The following TDRP variants were observed in gnomAD, a reference collection of about 807,000 sequenced individuals.
The protein encoded by TDRP is testis development related protein.
A neutral mutation model predicts 10.5 loss-of-function variants in TDRP; 12 were observed. The ratio of observed to expected loss-of-function variants is 1.15; its 90% CI spans 0.73 to 1.86. The LOEUF (loss-of-function observed/expected upper bound fraction) is 1.86, where lower values mean the gene tolerates loss of function less well. TDRP is among the 40% of genes most tolerant of loss of function. The pLI is 0.00. For synonymous variants in TDRP, 139 were observed against 95.4 expected (o/e 1.46, Z -2.67); for missense variants, 353 against 229.2 (o/e 1.54, Z -3.49).
intron 1 of TDRP, among the ~76,000 whole-genome samples, chr8:534,140 T>C (rs1402609715): frequency 6.6e-6 from 1 of 152,186 alleles, no homozygotes; most frequent in Admixed American, 6.5e-5. Flanking sequence ...CCAGAGAAAC[T>C]TGGATTCAAA....
At chr8:517,262 C>T (rs1406353043) in intron 1 of TDRP, among the ~76,000 whole-genome samples, 10 of 152,168 alleles carry the variant, frequency 6.6e-5, no homozygotes, top group Admixed American at 4.6e-4. Flanking sequence ...AATATTTTAC[C>T]CCAAAATATA....
chr8:493,585 G>A (rs111840277), intron 2 of TDRP, among the ~76,000 whole-genome samples: 263 of 152,300 alleles, frequency 1.7e-3, no homozygotes, highest in Non-Finnish European at 2.4e-3. Context: ...TCCATAACAC[G>A]GAGCAAATAT....
At position 492,518 on chromosome 8, in the gene TDRP, T is replaced by C; in HGVS notation, c.439A>G (p.Thr147Ala). The C allele has an allele frequency of 6.2e-7, 1 of 1,610,130 alleles. No homozygotes were observed. Among genetic ancestry groups the C allele is most frequent in the South Asian group, 1.1e-5 (1 of 90,606 alleles). ...EDDAKGSTKY[T>A]SLASSANSSR... ...CTGTTGGCAGAGCTGGCCAGGCTGG[T>C]GTACTTGGTCGAGCCCTTGGCGTCA... Residue 147 changes from threonine to alanine, a missense_variant, in exon 3 of 3, where the codon ACC becomes GCC. Transcript: ENST00000324079.
chr8:499,226 T>TTTTGC (rs1377708884), intron 1 of TDRP, among the ~76,000 whole-genome samples: 2 of 118,444 alleles, frequency 1.7e-5, no homozygotes, highest in Non-Finnish European at 3.5e-5. Flanking sequence ...CAAACAACGT[T>TTTTGC]TTTGTTTTGT....
intron 1 of TDRP, among the ~76,000 whole-genome samples, chr8:521,631 G>A (rs1801907943): frequency 6.6e-6 from 1 of 152,024 alleles, no homozygotes; most frequent in African/African-American, 2.4e-5. Context: ...TTTCATTACT[G>A]TACTTGTATA....
intron 1 of TDRP, among the ~76,000 whole-genome samples, chr8:522,088 A>T (rs898511094): frequency 3.9e-5 from 6 of 152,106 alleles, no homozygotes; most frequent in African/African-American, 1.4e-4. Flanking sequence ...GAATTTGTTC[A>T]TGAGCTGTAA....
intron 2 of TDRP, 98 bp from the exon 3 acceptor site, chr8:492,842 ATTGT>A (rs535738078): frequency 9.1e-5 from 91 of 999,770 alleles, no homozygotes; most frequent in Non-Finnish European, 1.3e-4. Flanking sequence ...ATTTTAAAAA[ATTGT>A]TTAGAAAACT....
intron 1 of TDRP, among the ~76,000 whole-genome samples, chr8:507,325 T>C (rs1284655314): frequency 6.6e-6 from 1 of 152,060 alleles, no homozygotes; most frequent in Non-Finnish European, 1.5e-5. Flanking sequence ...ATTTGAGACC[T>C]GAGGCTGCTG....
At chr8:502,111 C>G (rs147550003) in intron 1 of TDRP, among the ~76,000 whole-genome samples, 282 of 152,326 alleles carry the variant, frequency 1.9e-3, no homozygotes, top group African/African-American at 6.3e-3. Context: ...ATGCTGTGAT[C>G]CTGGGAACAC....
At chr8:522,601 C>T (rs1402381938) in intron 1 of TDRP, among the ~76,000 whole-genome samples, 1 of 152,196 alleles carries the variant, frequency 6.6e-6, no homozygotes. Context: ...CTGTAATATG[C>T]TTTGCCCCGC....
chr8:502,661 A>ATGTG (rs2116743116), intron 1 of TDRP, among the ~76,000 whole-genome samples: 1 of 146,100 alleles, frequency 6.8e-6, no homozygotes, highest in East Asian at 2.1e-4. Context: ...CTCAGCACAC[A>ATGTG]TCAACACGGA....
At chr8:499,491 C>T (rs1385905586) in intron 1 of TDRP, among the ~76,000 whole-genome samples, 1 of 152,194 alleles carries the variant, frequency 6.6e-6, no homozygotes, top group African/African-American at 2.4e-5. Flanking sequence ...GGACTCCATC[C>T]CACCACCAGC....
At chr8:498,936 C>A (rs1371979995) in intron 1 of TDRP, among the ~76,000 whole-genome samples, 2 of 151,906 alleles carry the variant, frequency 1.3e-5, no homozygotes, top group Non-Finnish European at 2.9e-5. Flanking sequence ...CCTTGTTTTC[C>A]CTTCACCTCC....
At chr8:506,303 C>T (rs1036110532) in intron 1 of TDRP, among the ~76,000 whole-genome samples, 1 of 152,200 alleles carries the variant, frequency 6.6e-6, no homozygotes, top group South Asian at 2.1e-4. Context: ...CATTTACCCT[C>T]CCAGCTCGGC....
At chr8:530,186 G>C (rs962018450) in intron 1 of TDRP, among the ~76,000 whole-genome samples, 2 of 149,924 alleles carry the variant, frequency 1.3e-5, no homozygotes, top group Non-Finnish European at 3.0e-5. Context: ...TGCAGAATTT[G>C]TATGGTTCTT....
At chr8:521,333 C>T (rs142073156) in intron 1 of TDRP, among the ~76,000 whole-genome samples, 2 of 151,368 alleles carry the variant, frequency 1.3e-5, no homozygotes, top group East Asian at 1.9e-4. Flanking sequence ...AGGAGAATGG[C>T]GTGAACCCGG....
Position 491,990 on chromosome 8 carries a change from A to C in TDRP, c.*409T>G. The C allele has an allele frequency of 8.9e-7, 1 of 1,118,112 alleles. No individual in the cohort carries two copies. Among genetic ancestry groups the C allele is most frequent in the Non-Finnish European group, 1.1e-6 (1 of 916,930 alleles). 69.3% of individuals were successfully genotyped at this position (1,118,112 alleles called of 1,614,324 possible). ...ACTAATTTTCTAGCAAAAGAAAAGAACTGCATGACAGCTGCATTTATACGT... is the reference window on the plus strand; with the variant it reads ...ACTAATTTTCTAGCAAAAGAAAAGACCTGCATGACAGCTGCATTTATACGT... On this transcript the variant is annotated 3_prime_UTR_variant, in exon 3 of 3. Coordinates refer to ENST00000324079, the MANE Select transcript of TDRP (RefSeq NM_001384899.1).
At chr8:504,295 G>A (rs185985256) in intron 1 of TDRP, among the ~76,000 whole-genome samples, 200 of 152,322 alleles carry the variant, frequency 1.3e-3, no homozygotes, top group African/African-American at 4.5e-3. Context: ...TGCAGCACTG[G>A]GTCTTGTGTT....
In TDRP at chr8:503,207, C is replaced by G. The variant is rs142896306; in HGVS notation, c.109-8610G>C. The stretch of plus-strand genomic sequence containing the variant: ...TCAACACGCACCAACACAGAATCCA[C>G]AGCCACACACTGGAAGCAATGCCCA... On this transcript the variant is annotated intron_variant, in intron 1 of 2. Coordinates refer to ENST00000324079, the MANE Select transcript of TDRP (RefSeq NM_001384899.1). Among the ~76,000 whole-genome samples the G allele has an allele frequency of 1.4e-3, 199 of 146,592 alleles. 1 individual carries two copies. The highest frequency in any genetic ancestry group is 4.8e-3 in the African/African-American group (190 of 39,490).
Sources: allele counts gnomAD v4.1 joint callset (sites outside exome capture counted in the v4.1 genomes callset), GRCh38; gene constraint gnomAD v4.1.1; transcripts MANE v1.5; gene names NCBI Gene and HGNC (gene_info 2026-07-23, HGNC 2026-07-21).